ZHX3: variants seen among roughly 807,000 people sequenced by gnomAD.
The protein encoded by ZHX3 is zinc fingers and homeoboxes 3.
A neutral mutation model predicts 64.5 loss-of-function variants in ZHX3; 20 were observed. That is an observed-to-expected ratio of 0.31 (90% CI 0.22 to 0.45). The LOEUF (loss-of-function observed/expected upper bound fraction) is 0.45, where lower values mean the gene tolerates loss of function less well. ZHX3 is among the 20% of genes least tolerant of loss of function. ZHX3 has a pLI of 1.00. For missense variants in ZHX3, 1,041 were observed against 1,195.8 expected (o/e 0.87, Z 1.91); for synonymous variants, 423 against 461.6 (o/e 0.92, Z 1.07).
chr20:41,190,069 C>T (rs184986281), intron 3 of ZHX3, among the ~76,000 whole-genome samples: 9 of 152,116 alleles, frequency 5.9e-5, no homozygotes, highest in Non-Finnish European at 8.8e-5. Context: ...ATTGAGATGA[C>T]CACACGATTT....
intron 2 of ZHX3, among the ~76,000 whole-genome samples, chr20:41,253,795 A>G (rs188158671): frequency 2.0e-5 from 3 of 152,304 alleles, no homozygotes; most frequent in Admixed American, 2.0e-4. Context: ...GTGAGGGGGG[A>G]ATGCATCGAA....
intron 2 of ZHX3, among the ~76,000 whole-genome samples, chr20:41,239,982 T>G (rs1475283256): frequency 2.0e-5 from 3 of 151,850 alleles, no homozygotes; most frequent in Admixed American, 6.6e-5. Context: ...AAAGATGCAG[T>G]CACACTCAAT....
chr20:41,229,427 A>C (rs1046704244), intron 2 of ZHX3, among the ~76,000 whole-genome samples: 3 of 152,138 alleles, frequency 2.0e-5, no homozygotes, highest in Non-Finnish European at 4.4e-5. Context: ...CAGAAGTGGA[A>C]TTGCTTAATC....
chr20:41,298,431 G>C (rs1032017505), intron 1 of ZHX3, among the ~76,000 whole-genome samples: 2 of 152,204 alleles, frequency 1.3e-5, no homozygotes, highest in African/African-American at 4.8e-5. Flanking sequence ...ACTGAAGTTG[G>C]TTAAGTCTCC....
chr20:41,263,843 C>T (rs1419635109), intron 2 of ZHX3, among the ~76,000 whole-genome samples: 1 of 152,120 alleles, frequency 6.6e-6, no homozygotes, highest in Non-Finnish European at 1.5e-5. Context: ...GAATGGGAAA[C>T]TGACTTTTCA....
chr20:41,187,118 AG>A (rs2036584913), intron 3 of ZHX3, among the ~76,000 whole-genome samples: 1 of 152,058 alleles, frequency 6.6e-6, no homozygotes, highest in African/African-American at 2.4e-5. Context: ...CAGGAGTTCA[AG>A]ACCAGCCTGG....
chr20:41,264,312 C>T (rs1482627994), intron 2 of ZHX3, among the ~76,000 whole-genome samples: 5 of 134,842 alleles, frequency 3.7e-5, no homozygotes, highest in East Asian at 4.8e-4. Flanking sequence ...GAGGCCGAGG[C>T]GGGTGGATCA....
rs145785441 is a variant in ZHX3, at chr20:41,258,265, C to G, written c.-151+10725G>C. Among the ~76,000 whole-genome samples, 8 of 152,140 alleles carry G rather than the reference C, an allele frequency of 5.3e-5. No homozygotes were observed. The South Asian group carries it at 1.7e-3, about 32-fold the overall frequency. ...TTACAGAAAAGTTGCAAAAATCGTA[C>G]AGAGTTTCCATATATCCTGGCCCCA... On this transcript the variant is annotated intron_variant, in intron 2 of 3. Transcript: ENST00000683867.
intron 1 of ZHX3, among the ~76,000 whole-genome samples, chr20:41,315,177 G>T (rs6102350): frequency 1.3e-5 from 2 of 151,990 alleles, no homozygotes; most frequent in East Asian, 3.9e-4. Flanking sequence ...AAGGCACTGA[G>T]GCTGGAGTAT....
intron 2 of ZHX3, among the ~76,000 whole-genome samples, chr20:41,207,668 C>T (rs2038831740): frequency 6.6e-6 from 1 of 152,196 alleles, no homozygotes; most frequent in Non-Finnish European, 1.5e-5. Flanking sequence ...CACAACATAC[C>T]AGAATCTCTG....
At chr20:41,284,926 G>GT (rs1238188328) in intron 1 of ZHX3, among the ~76,000 whole-genome samples, 2 of 152,076 alleles carry the variant, frequency 1.3e-5, no homozygotes, top group Admixed American at 6.5e-5. Context: ...TTGCCTCATA[G>GT]TTTTTCCCCT....
chr20:41,308,724 G>T (rs2045047895), intron 1 of ZHX3, among the ~76,000 whole-genome samples: 1 of 152,044 alleles, frequency 6.6e-6, no homozygotes, highest in South Asian at 2.1e-4. Context: ...ATTTTCCCAG[G>T]GAAAATAGGG....
chr20:41,196,396 TA>T (rs1215499929), intron 3 of ZHX3, among the ~76,000 whole-genome samples: 1 of 48,688 alleles, frequency 2.1e-5, no homozygotes, highest in Admixed American at 3.8e-4. Flanking sequence ...TATATATTTA[TA>T]TATATTATAT....
At position 41,219,567 on chromosome 20, in the gene ZHX3, A is replaced by G. The variant is rs2039798136; in HGVS notation, c.-150-14501T>C. Among the ~76,000 whole-genome samples, 1 of 152,210 alleles carries G rather than the reference A, an allele frequency of 6.6e-6. No individual in the cohort carries two copies. The highest frequency in any genetic ancestry group is 2.1e-4 in the South Asian group (1 of 4,834). On this transcript the variant is annotated intron_variant, in intron 2 of 3. Transcript: ENST00000683867. The surrounding 1 kb of genome is among the most constrained non-coding windows in gnomAD (Gnocchi z 5.0). The stretch of plus-strand genomic sequence containing the variant: ...ACCAAAAACAACAAAACCTTCCTAT[A>G]AGTTTTATTTGCTAAATTTGTTTTT...
chr20:41,260,791 A>G (rs1012804860), intron 2 of ZHX3, among the ~76,000 whole-genome samples: 3 of 152,244 alleles, frequency 2.0e-5, no homozygotes, highest in African/African-American at 7.2e-5. Flanking sequence ...AGTAGATTCT[A>G]ATTTTGCCTC....
intron 1 of ZHX3, among the ~76,000 whole-genome samples, chr20:41,275,651 C>T (rs973910705): frequency 6.6e-6 from 1 of 152,234 alleles, no homozygotes; most frequent in Non-Finnish European, 1.5e-5. Context: ...ACTCTCATGG[C>T]ATGAGTTTTG....
At position 41,200,014 on chromosome 20, in the gene ZHX3, T is replaced by C. The variant is rs2038089925; in HGVS notation, c.2860+2043A>G. On this transcript the variant is annotated intron_variant, in intron 3 of 3. Transcript: ENST00000683867. This position sits in a 1 kb window ranked among gnomAD's most constrained non-coding sequence, Gnocchi z 4.2. ...ACACCTGGCCACAAAAACTTGACTT[T>C]TGGAGGACAAAGTTGTTATTGCCTA... 1.3e-5 allele frequency among the ~76,000 whole-genome samples: 2 copies of C among 152,156 alleles called. No homozygotes were observed. The highest frequency in any genetic ancestry group is 2.9e-5 in the Non-Finnish European group (2 of 68,026).
intron 1 of ZHX3, among the ~76,000 whole-genome samples, chr20:41,293,400 T>C (rs1301002369): frequency 1.3e-5 from 2 of 152,328 alleles, no homozygotes; most frequent in African/African-American, 4.8e-5. Context: ...TCCTCATTTT[T>C]ACTGATGAGT....
Position 41,182,768 on chromosome 20 carries a change from C to G in ZHX3, c.*2423G>C, listed in dbSNP as rs891706242. ...GCAGGGCTAACATCTATAAGAAAAA[C>G]ATACCAGGGCAGGCAGCACTGTACT... On this transcript the variant is annotated 3_prime_UTR_variant, in exon 4 of 4. Coordinates refer to ENST00000683867, the MANE Select transcript of ZHX3 (RefSeq NM_001384317.1). The surrounding 1 kb of genome is among the most constrained non-coding windows in gnomAD (Gnocchi z 6.1). 1.3e-5 allele frequency: 2 copies of G among 152,266 alleles called. No individual in the cohort carries two copies. Among genetic ancestry groups the G allele is most frequent in the South Asian group, 4.1e-4 (2 of 4,832 alleles). The allele number at this position is 152,266 out of a possible 1,614,324, so 9.4% of individuals were successfully genotyped here. A position where few individuals can be genotyped will look rare whatever the true frequency, so the allele number is the denominator to read the frequency against.
Sources: gnomAD v4.1 joint callset for allele counts (sites outside exome capture counted in the v4.1 genomes callset) on GRCh38, gnomAD v4.1.1 for gene constraint, Gnocchi (gnomAD v3.1) non-coding constraint, MANE v1.5 for transcripts, NCBI Gene and HGNC (gene_info 2026-07-23, HGNC 2026-07-21) for gene names.